Variants in PACSIN1 observed in about 807,000 individuals in gnomAD.
The protein encoded by PACSIN1 is protein kinase C and casein kinase substrate in neurons 1.
A neutral mutation model predicts 59.5 loss-of-function variants in PACSIN1; 15 were observed. The ratio of observed to expected loss-of-function variants is 0.25; its 90% confidence interval spans 0.17 to 0.39. The LOEUF (loss-of-function observed/expected upper bound fraction) is 0.39. PACSIN1 is among the 10% of genes least tolerant of loss of function. The pLI is 1.00. For synonymous variants in PACSIN1, 210 were observed against 220.6 expected, an observed-to-expected ratio of 0.95 and a Z score of 0.42; for missense variants, 420 against 580.2, an observed-to-expected ratio of 0.72 and a Z score of 2.84.
chr6:34,473,433 G>T lies in PACSIN1; in HGVS notation c.-64+7163G>T, dbSNP rs72898451. 1.3e-3 allele frequency among the ~76,000 whole-genome samples: 193 copies of T among 152,272 alleles called. 2 individuals carry two copies. The highest frequency in any genetic ancestry group is 2.2e-3 in the Non-Finnish European group (153 of 68,014). On this transcript the variant is annotated intron_variant, in intron 1 of 9. Coordinates refer to ENST00000244458, the MANE Select transcript of PACSIN1 (RefSeq NM_020804.5). ...AGCCTCATTGGACCTTGTGGGACAG[G>T]TGGCCCAGGGCTGCTTCTCCTTGCA...
rs34111587 is a variant in PACSIN1 at position 34,483,001 on chromosome 6, CTTTTTTTTTT to C, written c.-64+16742_-64+16751del. Reference sequence around the variant, plus strand: ...TGCGCCCAGCCAACTCCATGTTTAACTTTTTTTTTTTTTTTTTTTTGAAACAAGGTCTCAC... The same window carrying C: ...TGCGCCCAGCCAACTCCATGTTTAACTTTTTTTTTTGAAACAAGGTCTCAC... On this transcript the variant is annotated intron_variant, in intron 1 of 9. Coordinates refer to ENST00000244458, the MANE Select transcript of PACSIN1 (RefSeq NM_020804.5). 5.2e-3 allele frequency among the ~76,000 whole-genome samples: 583 copies of C among 112,010 alleles called. 2 individuals carry two copies. The highest frequency in any genetic ancestry group is 0.021 in the Middle Eastern group (3 of 144). The allele number at this position is 112,010 out of a possible 152,430, so 73.5% of individuals were successfully genotyped here.
At chr6:34,486,800 C>T (rs563464954) in intron 1 of PACSIN1, among the ~76,000 whole-genome samples, 1 of 152,078 alleles carries the variant, frequency 6.6e-6, no homozygotes, top group African/African-American at 2.4e-5. Flanking sequence ...CTTCAGTAGA[C>T]CCCAGCCTAG....
chr6:34,517,942 T>C (rs1008218433), intron 1 of PACSIN1, among the ~76,000 whole-genome samples: 74 of 152,040 alleles, frequency 4.9e-4, no homozygotes, highest in African/African-American at 1.8e-3. Flanking sequence ...AAGCCAGGAG[T>C]GTCTCCCTCG....
At chr6:34,468,983 G>A (rs1219223561) in intron 1 of PACSIN1, among the ~76,000 whole-genome samples, 2 of 152,180 alleles carry the variant, frequency 1.3e-5, no homozygotes, top group African/African-American at 2.4e-5. Context: ...AGGAGATGAG[G>A]GACCCATTCA....
chr6:34,498,913 G>A (rs1328646011), intron 1 of PACSIN1, among the ~76,000 whole-genome samples: 1 of 152,052 alleles, frequency 6.6e-6, no homozygotes, highest in African/African-American at 2.4e-5. Context: ...TTGGCACCGG[G>A]GACTGGTTTC....
intron 1 of PACSIN1, among the ~76,000 whole-genome samples, chr6:34,495,642 A>G (rs550310328): frequency 1.3e-5 from 2 of 152,222 alleles, no homozygotes; most frequent in South Asian, 4.1e-4. Flanking sequence ...TAGTAGAGAC[A>G]GGGTTTCACC....
In PACSIN1 at chr6:34,532,700, C is replaced by T. The variant is rs888973267; in HGVS notation, c.*170C>T. On this transcript the variant is annotated 3_prime_UTR_variant, in exon 10 of 10. Transcript: ENST00000244458. The surrounding 1 kb of genome is among the most constrained non-coding windows in gnomAD (Gnocchi z 5.2). Reference sequence around the variant, plus strand: ...AAAGTATGCAGAGACAGAGCATTTGCAGGGCCACCTGGAGGCTGGGGTGCT... The same window carrying T: ...AAAGTATGCAGAGACAGAGCATTTGTAGGGCCACCTGGAGGCTGGGGTGCT... 1.5e-5 allele frequency: 9 copies of T among 588,698 alleles called. No individual in the cohort carries two copies. The highest frequency in any genetic ancestry group is 2.7e-5 in the Non-Finnish European group (9 of 329,264). 36.5% of individuals were successfully genotyped at this position (588,698 alleles called of 1,614,324 possible). A position where few individuals can be genotyped will look rare whatever the true frequency, so the allele number is the denominator to read the frequency against.
intron 1 of PACSIN1, among the ~76,000 whole-genome samples, chr6:34,506,173 C>T (rs1465891330): frequency 3.3e-5 from 5 of 151,918 alleles, no homozygotes; most frequent in African/African-American, 1.2e-4. Context: ...GTTGCCTTTT[C>T]TCATTAAAGT....
intron 1 of PACSIN1, among the ~76,000 whole-genome samples, chr6:34,479,745 C>T (rs1039033164): frequency 6.6e-6 from 1 of 151,994 alleles, no homozygotes; most frequent in African/African-American, 2.4e-5. Flanking sequence ...CAGGAGCCAC[C>T]ACACTTGGTT....
intron 1 of PACSIN1, among the ~76,000 whole-genome samples, chr6:34,467,553 C>CTTT (rs61324041): frequency 0.042 from 3,845 of 90,626 alleles, 210 homozygotes; most frequent in East Asian, 0.056. Flanking sequence ...TAGGCCCTTC[C>CTTT]TTTTTTTTTT....
In PACSIN1 at chr6:34,489,133, T is replaced by A. The variant is rs528784435; in HGVS notation, c.-64+22863T>A. Among the ~76,000 whole-genome samples, 13 of 151,426 alleles carry A rather than the reference T, an allele frequency of 8.6e-5. No individual in the cohort carries two copies. The East Asian group carries it at 1.4e-3, about 16-fold the overall frequency. On this transcript the variant is annotated intron_variant, in intron 1 of 9. Transcript: ENST00000244458. ...GAGGTGGAGGTTGTAGTGAGCCGAG[T>A]TGGTGCCACTGCTGCACACCAGCCT...
chr6:34,491,943 C>T (rs1361874622), intron 1 of PACSIN1, among the ~76,000 whole-genome samples: 1 of 152,136 alleles, frequency 6.6e-6, no homozygotes, highest in Non-Finnish European at 1.5e-5. Context: ...CACATTGATT[C>T]CCTTTTTTTG....
chr6:34,506,139 T>C (rs745782985), intron 1 of PACSIN1, among the ~76,000 whole-genome samples: 3 of 152,208 alleles, frequency 2.0e-5, no homozygotes, highest in Non-Finnish European at 2.9e-5. Flanking sequence ...AGTATTTGTG[T>C]CTTGGTGTTG....
At chr6:34,512,909 A>G (rs1767228498) in intron 1 of PACSIN1, among the ~76,000 whole-genome samples, 1 of 152,198 alleles carries the variant, frequency 6.6e-6, no homozygotes, top group Admixed American at 6.5e-5. Flanking sequence ...GTCATTGTGG[A>G]CAAACTGCTC....
chr6:34,480,313 C>T, intron 1 of PACSIN1, among the ~76,000 whole-genome samples: 1 of 151,422 alleles, frequency 6.6e-6, no homozygotes, highest in Middle Eastern at 3.2e-3. Flanking sequence ...TAACCTCTGC[C>T]TCCCAGGCTC....
intron 1 of PACSIN1, among the ~76,000 whole-genome samples, chr6:34,493,391 G>A (rs935552187): frequency 6.6e-6 from 1 of 152,180 alleles, no homozygotes; most frequent in African/African-American, 2.4e-5. Context: ...CGTGTCTTTT[G>A]GTGGCCTGGG....
chr6:34,491,704 T>C (rs1766879775), intron 1 of PACSIN1, among the ~76,000 whole-genome samples: 1 of 151,880 alleles, frequency 6.6e-6, no homozygotes, highest in Admixed American at 6.6e-5. Context: ...CTCCGCCTCC[T>C]GGATTCAAGT....
At chr6:34,471,745 T>A (rs1766573197) in intron 1 of PACSIN1, among the ~76,000 whole-genome samples, 1 of 152,206 alleles carries the variant, frequency 6.6e-6, no homozygotes, top group Non-Finnish European at 1.5e-5. Flanking sequence ...TTTTGGGACT[T>A]ATTCCACAGG....
At chr6:34,520,812 C>T (rs1197976771) in intron 1 of PACSIN1, among the ~76,000 whole-genome samples, 2 of 152,188 alleles carry the variant, frequency 1.3e-5, no homozygotes, top group East Asian at 3.9e-4. Flanking sequence ...GGGAAGGGCT[C>T]TCCAGGAGAA....
Sources: gnomAD v4.1 joint callset for allele counts (sites outside exome capture counted in the v4.1 genomes callset) on GRCh38, gnomAD v4.1.1 for gene constraint, Gnocchi (gnomAD v3.1) non-coding constraint, MANE v1.5 for transcripts, NCBI Gene and HGNC (gene_info 2026-07-23, HGNC 2026-07-21) for gene names.